HTR7: variants seen among roughly 807,000 people sequenced by gnomAD.
The protein encoded by HTR7 is 5-HT-7.
HTR7 carries 16 observed loss-of-function variants against 34.0 expected under a neutral mutation model. The ratio of observed to expected loss-of-function variants is 0.47; its 90% CI spans 0.32 to 0.71. The LOEUF (loss-of-function observed/expected upper bound fraction) is 0.71. Among genes scored for constraint, HTR7 ranks in the 30% least tolerant of loss-of-function variants. The probability of loss-of-function intolerance (pLI) is 0.04; values close to 1 mark genes in which losing one functional copy is unlikely to be tolerated. For missense variants in HTR7, 504 were observed against 625.5 expected (o/e 0.81, Z 2.07); for synonymous variants, 265 against 260.2 (o/e 1.02, Z -0.18).
intron 1 of HTR7, among the ~76,000 whole-genome samples, chr10:90,801,393 G>A (rs1845624150): frequency 6.6e-6 from 1 of 152,116 alleles, no homozygotes; most frequent in Non-Finnish European, 1.5e-5. Flanking sequence ...AGAAAGTCAA[G>A]CTCCAACCCC....
chr10:90,853,231 C>CTATTTTT (rs1176059280), intron 1 of HTR7, among the ~76,000 whole-genome samples: 1 of 149,964 alleles, frequency 6.7e-6, no homozygotes, highest in African/African-American at 2.5e-5. Flanking sequence ...ATATGTAAAA[C>CTATTTTT]TATTTTTCAT....
chr10:90,798,955 AT>A (rs1408918608), intron 1 of HTR7, among the ~76,000 whole-genome samples: 1 of 152,222 alleles, frequency 6.6e-6, no homozygotes, highest in Admixed American at 6.5e-5. Flanking sequence ...AAGATTAGAA[AT>A]TATGGTTTAG....
intron 1 of HTR7, among the ~76,000 whole-genome samples, chr10:90,770,589 G>A (rs981570611): frequency 6.6e-5 from 10 of 152,272 alleles, no homozygotes; most frequent in South Asian, 2.1e-4. Context: ...GATTGGGGCC[G>A]AGCCCGGGCA....
rs147108818 is a variant in HTR7, at chr10:90,749,135, G to A, written c.999C>T (p.Val333=). 1.0e-4 allele frequency: 161 copies of A among 1,614,150 alleles called. No individual in the cohort carries two copies. The highest frequency in any genetic ancestry group is 1.2e-4 in the Non-Finnish European group (144 of 1,180,026). The stretch of plus-strand genomic sequence containing the variant: ...GCAGCCAGCACACGGTAAAGGCCCC[G>A]ACGATGATCCCCAGGGTGGTGGCTG... ...QKAATTLGII[V]GAFTVCWLPF... is the part of the protein sequence containing the mutation. The change falls in exon 2 of 4, where the codon GTC becomes GTT. Residue 333 remains valine, a synonymous_variant. Transcript: ENST00000336152. The surrounding 1 kb of genome is among the most constrained non-coding windows in gnomAD (Gnocchi z 4.2).
intron 1 of HTR7, among the ~76,000 whole-genome samples, chr10:90,824,579 C>T (rs1028715080): frequency 3.3e-5 from 5 of 152,208 alleles, no homozygotes; most frequent in African/African-American, 1.2e-4. Context: ...CCTTGGTGTT[C>T]CCTAATTCCA....
intron 1 of HTR7, among the ~76,000 whole-genome samples, chr10:90,844,725 TCAAAAAAAAAAAAA>T (rs1466325276): frequency 4.0e-4 from 11 of 27,784 alleles, no homozygotes; most frequent in South Asian, 2.7e-3. Context: ...AGACTCCGTC[TCAAAAAAAAAAAAA>T]AAAAAAAAAA....
intron 2 of HTR7, among the ~76,000 whole-genome samples, chr10:90,745,790 T>C (rs1276828328): frequency 2.6e-5 from 4 of 152,242 alleles, no homozygotes; most frequent in African/African-American, 9.6e-5. Context: ...CGGGCCTATC[T>C]GTTTACTTAT....
intron 1 of HTR7, among the ~76,000 whole-genome samples, chr10:90,782,854 C>T (rs1845325179): frequency 1.3e-5 from 2 of 152,188 alleles, no homozygotes. Flanking sequence ...CTTTCTTGCT[C>T]ATACCATTGA....
At chr10:90,759,377 C>T (rs1162607645) in intron 1 of HTR7, among the ~76,000 whole-genome samples, 6 of 151,704 alleles carry the variant, frequency 4.0e-5, no homozygotes, top group South Asian at 2.1e-4. Flanking sequence ...AGGGAAAGGC[C>T]GGGCGCGGTG....
At chr10:90,809,646 G>C (rs561487339) in intron 1 of HTR7, among the ~76,000 whole-genome samples, 41 of 152,212 alleles carry the variant, frequency 2.7e-4, no homozygotes, top group Admixed American at 4.6e-4. Context: ...CCAAATGCCT[G>C]AACCGCAGCG....
At chr10:90,770,650 C>A (rs1173817127) in intron 1 of HTR7, among the ~76,000 whole-genome samples, 1 of 152,230 alleles carries the variant, frequency 6.6e-6, no homozygotes, top group Non-Finnish European at 1.5e-5. Flanking sequence ...ACTGACATGC[C>A]AGCCCCCTGT....
At chr10:90,825,811 G>A (rs1846063598) in intron 1 of HTR7, among the ~76,000 whole-genome samples, 1 of 152,062 alleles carries the variant, frequency 6.6e-6, no homozygotes, top group Non-Finnish European at 1.5e-5. Flanking sequence ...CACAGTCAGA[G>A]AAGACAAAAT....
chr10:90,762,709 A>T (rs1481816635), intron 1 of HTR7, among the ~76,000 whole-genome samples: 1 of 152,172 alleles, frequency 6.6e-6, no homozygotes, highest in Non-Finnish European at 1.5e-5. Flanking sequence ...TATCACTGCC[A>T]ATATCGATAT....
At chr10:90,810,612 AC>A in intron 1 of HTR7, among the ~76,000 whole-genome samples, 1 of 152,238 alleles carries the variant, frequency 6.6e-6, no homozygotes, top group South Asian at 2.1e-4. Context: ...ATGGTGCTGA[AC>A]CCATATACTC....
At chr10:90,752,382 C>T (rs1175393645) in intron 1 of HTR7, among the ~76,000 whole-genome samples, 2 of 151,924 alleles carry the variant, frequency 1.3e-5, no homozygotes, top group Non-Finnish European at 2.9e-5. Context: ...ATACAAAATG[C>T]TACTGAGGTA....
At chr10:90,769,420 CAACT>C (rs1199553302) in intron 1 of HTR7, among the ~76,000 whole-genome samples, 16 of 152,310 alleles carry the variant, frequency 1.1e-4, no homozygotes, top group South Asian at 8.3e-4. Flanking sequence ...CCAAAGCAAT[CAACT>C]AACAAACGTG....
At chr10:90,809,492 T>C (rs1845765904) in intron 1 of HTR7, among the ~76,000 whole-genome samples, 1 of 152,108 alleles carries the variant, frequency 6.6e-6, no homozygotes, top group African/African-American at 2.4e-5. Context: ...TAAATAAAAC[T>C]CCAAAAATTA....
At position 90,857,739 on chromosome 10, in the gene HTR7, G is replaced by A. The variant is rs959241244; in HGVS notation, c.-68C>T. On this transcript the variant is annotated 5_prime_UTR_variant, in exon 1 of 4. Coordinates refer to ENST00000336152, the MANE Select transcript of HTR7 (RefSeq NM_019859.4). This position sits in a 1 kb window ranked among gnomAD's most constrained non-coding sequence, Gnocchi z 6.5. ...CACGCGCCTCCGGCTGCCGGCCCCGGGGCTTCACCTCACCGGTTCCGCTCC... is the reference window on the plus strand; with the variant it reads ...CACGCGCCTCCGGCTGCCGGCCCCGAGGCTTCACCTCACCGGTTCCGCTCC... 15 of 1,379,056 alleles carry A rather than the reference G, an allele frequency of 1.1e-5. No individual in the cohort carries two copies. Among genetic ancestry groups the A allele is most frequent in the Non-Finnish European group, 1.4e-5 (15 of 1,070,488 alleles). The allele number at this position is 1,379,056 out of a possible 1,614,324, so 85.4% of individuals were successfully genotyped here.
chr10:90,836,527 T>C (rs1337669470), intron 1 of HTR7, among the ~76,000 whole-genome samples: 5 of 151,896 alleles, frequency 3.3e-5, no homozygotes, highest in African/African-American at 7.3e-5. Context: ...TTTTTTAAAA[T>C]TTGAGACAGG....
Sources: gnomAD v4.1 joint callset for allele counts (sites outside exome capture counted in the v4.1 genomes callset) on GRCh38, gnomAD v4.1.1 for gene constraint, Gnocchi (gnomAD v3.1) non-coding constraint, MANE v1.5 for transcripts, NCBI Gene and HGNC (gene_info 2026-07-23, HGNC 2026-07-21) for gene names.